The following ATP8A2 variants were observed in gnomAD, a reference collection of about 807,000 sequenced individuals.
The protein encoded by ATP8A2 is phospholipid-transporting ATPase IB.
ATP8A2 carries 100 observed loss-of-function variants against 165.6 expected under a neutral mutation model. The ratio of observed to expected loss-of-function variants is 0.60; its 90% CI spans 0.51 to 0.71. The LOEUF (loss-of-function observed/expected upper bound fraction) is 0.71. ATP8A2 is among the 30% of genes least tolerant of loss of function. ATP8A2 has a pLI of 0.00. For synonymous variants in ATP8A2, 543 were observed against 548.8 expected (o/e 0.99, Z 0.15); for missense variants, 1,227 against 1,479.5 (o/e 0.83, Z 2.80).
intron 22 of ATP8A2, 50 bp from the exon 23 acceptor site, chr13:25,581,769 T>C: frequency 6.4e-7 from 1 of 1,551,252 alleles, no homozygotes; most frequent in Non-Finnish European, 8.9e-7. Flanking sequence ...TTGTTAGTGC[T>C]GTTCTTAAGT....
rs774957854 is a variant in ATP8A2, at chr13:26,019,945, G to A, written c.3527G>A (p.Arg1176His). 2.5e-6 allele frequency: 4 copies of A among 1,614,024 alleles called. No homozygotes were observed. The highest frequency in any genetic ancestry group is 1.7e-5 in the Admixed American group (1 of 60,028). Reference sequence around the variant, plus strand: ...GCTGTTAGTCAGGAAGAAGTCATCCGTGCTTATGACACCACCAAAAAGAAA... The same window carrying A: ...GCTGTTAGTCAGGAAGAAGTCATCCATGCTTATGACACCACCAAAAAGAAA... ...HGAVSQEEVIRAYDTTKKKSR... is the reference protein window; with the variant it reads ...HGAVSQEEVIHAYDTTKKKSR... Residue 1176 changes from arginine to histidine, a missense_variant, in exon 37 of 37, where the codon CGT (arginine) becomes CAT (histidine). By Grantham distance (29) the Arg-to-His change is conservative. Coordinates refer to ENST00000381655, the MANE Select transcript of ATP8A2 (RefSeq NM_016529.6).
chr13:25,434,863 T>C (rs749385485), intron 1 of ATP8A2, among the ~76,000 whole-genome samples: 4 of 152,206 alleles, frequency 2.6e-5, no homozygotes, highest in Non-Finnish European at 4.4e-5. Flanking sequence ...ACGTGTTCTA[T>C]TGGTATGGAC....
intron 24 of ATP8A2, among the ~76,000 whole-genome samples, chr13:25,598,248 C>T (rs1309518846): frequency 6.6e-6 from 1 of 152,164 alleles, no homozygotes; most frequent in East Asian, 1.9e-4. Flanking sequence ...TGCCCAATTC[C>T]ACATTGTCTT....
At chr13:25,528,720 T>TG (rs1205830180) in intron 2 of ATP8A2, among the ~76,000 whole-genome samples, 1 of 152,086 alleles carries the variant, frequency 6.6e-6, no homozygotes, top group Non-Finnish European at 1.5e-5. Flanking sequence ...TGCAGGTTTG[T>TG]TACATATGCA....
Position 25,959,535 on chromosome 13 carries a change from C to T in ATP8A2, c.3184-2040C>T, listed in dbSNP as rs547804539. On this transcript the variant is annotated intron_variant, in intron 33 of 36. Transcript: ENST00000381655. The stretch of plus-strand genomic sequence containing the variant: ...GACAAATGTGTAATAAAGATGTGTA[C>T]GTGTGGGTGTACCTCATCTAGGGGT... 2.1e-4 allele frequency among the ~76,000 whole-genome samples: 32 copies of T among 152,260 alleles called. No individual in the cohort carries two copies. The South Asian group carries it at 5.8e-3, about 28-fold the overall frequency.
chr13:25,877,511 T>C (rs1045992554), intron 33 of ATP8A2, among the ~76,000 whole-genome samples: 2 of 152,238 alleles, frequency 1.3e-5, no homozygotes, highest in African/African-American at 4.8e-5. Context: ...TCGTGTTGTA[T>C]GTCTCTTGCC....
intron 36 of ATP8A2, 59 bp downstream of exon 36, chr13:26,012,681 A>T: frequency 3.9e-6 from 3 of 763,184 alleles, no homozygotes; most frequent in Non-Finnish European, 4.9e-6. Context: ...GCGGGGGTTG[A>T]TGAGGAGTTG....
At chr13:26,001,044 C>T (rs561996555) in intron 35 of ATP8A2, among the ~76,000 whole-genome samples, 1 of 152,334 alleles carries the variant, frequency 6.6e-6, no homozygotes, top group East Asian at 1.9e-4. Flanking sequence ...CTTTCCCCCA[C>T]CTCCCTGCCC....
intron 1 of ATP8A2, among the ~76,000 whole-genome samples, chr13:25,450,721 CG>C (rs2138235139): frequency 6.6e-6 from 1 of 152,124 alleles, no homozygotes; most frequent in Admixed American, 6.5e-5. Context: ...TTAATAGAGA[CG>C]GGGTTTCACC....
chr13:25,451,917 T>C (rs990447721), intron 1 of ATP8A2, among the ~76,000 whole-genome samples: 18 of 151,500 alleles, frequency 1.2e-4, no homozygotes, highest in East Asian at 7.8e-4. Context: ...TGCAGTGGCG[T>C]GATCTCGGCT....
chr13:25,852,956 T>C lies in ATP8A2; in HGVS notation c.2957-7239T>C, dbSNP rs576339097. 3.3e-5 allele frequency among the ~76,000 whole-genome samples: 5 copies of C among 152,318 alleles called. No homozygotes were observed. In the East Asian group the frequency reaches 7.7e-4, roughly 23 times the overall value. ...ACTAACCATGTGACCTTGAACATAT[T>C]TGACTTCTCTTTGCTGCACCAAGTT... is the stretch of plus-strand genomic sequence containing the variant. On this transcript the variant is annotated intron_variant, in intron 30 of 36. Coordinates refer to ENST00000381655, the MANE Select transcript of ATP8A2 (RefSeq NM_016529.6).
At chr13:25,844,164 A>G (rs1458142426) in intron 30 of ATP8A2, among the ~76,000 whole-genome samples, 7 of 151,900 alleles carry the variant, frequency 4.6e-5, no homozygotes, top group Non-Finnish European at 1.0e-4. Context: ...GGACCAGGAT[A>G]TGTCAGCTGA....
chr13:25,567,076 C>T (rs943668266), intron 16 of ATP8A2: 1 of 271,008 alleles, frequency 3.7e-6, no homozygotes, highest in African/African-American at 2.2e-5. Flanking sequence ...TGGAGAAGAG[C>T]TTCTCTGGGG....
intron 21 of ATP8A2, among the ~76,000 whole-genome samples, 199 bp from the exon 22 acceptor site, chr13:25,579,609 G>A (rs2039713677): frequency 6.6e-6 from 1 of 152,176 alleles, no homozygotes; most frequent in Non-Finnish European, 1.5e-5. Context: ...CAGCCTTACG[G>A]AAGAGGTAGT....
intron 33 of ATP8A2, among the ~76,000 whole-genome samples, chr13:25,888,147 C>T (rs1019207024): frequency 7.0e-6 from 1 of 143,538 alleles, no homozygotes; most frequent in African/African-American, 2.6e-5. Flanking sequence ...AAGGGTAGCA[C>T]AGCACAGGCC....
chr13:25,749,634 G>C (rs906725558), intron 25 of ATP8A2, among the ~76,000 whole-genome samples: 37 of 152,244 alleles, frequency 2.4e-4, no homozygotes, highest in Middle Eastern at 3.4e-3. Context: ...CTGTTCCTGG[G>C]GCAAGGGAGA....
At chr13:25,990,261 T>TAAAAAAAAAAAAAAAAAAAAA (rs3056351) in intron 35 of ATP8A2, among the ~76,000 whole-genome samples, 1 of 108,370 alleles carries the variant, frequency 9.2e-6, no homozygotes, top group Non-Finnish European at 1.8e-5. Context: ...CATGTAACTG[T>TAAAAAAAAAAAAAAAAAAAAA]AAAAAAAAAA....
intron 28 of ATP8A2, among the ~76,000 whole-genome samples, chr13:25,836,232 T>C (rs1166049205): frequency 6.6e-6 from 1 of 152,186 alleles, no homozygotes; most frequent in Non-Finnish European, 1.5e-5. Context: ...TTTCAAAGTT[T>C]AGTTTGATGA....
At chr13:25,533,665 G>T (rs1437124161) in intron 6 of ATP8A2, among the ~76,000 whole-genome samples, 1 of 152,068 alleles carries the variant, frequency 6.6e-6, no homozygotes, top group Non-Finnish European at 1.5e-5. Context: ...AACATTTTTG[G>T]GTGGAAAGGT....
Sources: gnomAD v4.1 joint callset for allele counts (sites outside exome capture counted in the v4.1 genomes callset) on GRCh38, gnomAD v4.1.1 for gene constraint, MANE v1.5 for transcripts, NCBI Gene and HGNC (gene_info 2026-07-23, HGNC 2026-07-21) for gene names.